HIVEP3: variants seen among roughly 807,000 people sequenced by gnomAD.
HIVEP3 encodes transcription factor HIVEP3.
In HIVEP3, 49 loss-of-function variants were observed where a neutral mutation model predicts 152.8. The ratio of observed to expected loss-of-function variants is 0.32; its 90% CI spans 0.26 to 0.41. The LOEUF (loss-of-function observed/expected upper bound fraction) is 0.41, where lower values mean the gene tolerates loss of function less well. Among genes scored for constraint, HIVEP3 ranks in the 10% least tolerant of loss-of-function variants. The pLI is 1.00. For missense variants in HIVEP3, 2,790 were observed against 3,103.3 expected (o/e 0.90, Z 2.40); for synonymous variants, 1,269 against 1,289.0 (o/e 0.98, Z 0.33).
intron 1 of HIVEP3, among the ~76,000 whole-genome samples, chr1:41,846,572 T>G (rs1030200762): frequency 2.6e-5 from 4 of 152,242 alleles, no homozygotes; most frequent in Non-Finnish European, 5.9e-5. Context: ...GTGTTCGCTG[T>G]GAGGAATGGG....
chr1:41,618,191 G>A (rs1436965092), intron 3 of HIVEP3, among the ~76,000 whole-genome samples: 1 of 152,346 alleles, frequency 6.6e-6, no homozygotes, highest in East Asian at 1.9e-4. Context: ...TTGTTCCGCT[G>A]CGGGATGGTG....
At position 41,628,771 on chromosome 1, in the gene HIVEP3, G is replaced by A. The variant is rs1323058803; in HGVS notation, c.-544C>T. The A allele has an allele frequency of 1.6e-5, 20 of 1,232,000 alleles. No individual in the cohort carries two copies. The highest frequency in any genetic ancestry group is 1.6e-5 in the African/African-American group (1 of 64,372). The allele number at this position is 1,232,000 out of a possible 1,614,324, so 76.3% of individuals were successfully genotyped here. ...TACCTGTGCTGAAGGCACCACTTCC[G>A]ATGACCAAAACTGAAACGCTGTTCT... On this transcript the variant is annotated 5_prime_UTR_variant, in exon 3 of 9. Coordinates refer to ENST00000372583, the MANE Select transcript of HIVEP3 (RefSeq NM_024503.5).
At chr1:41,803,864 C>T (rs1333488894) in intron 1 of HIVEP3, among the ~76,000 whole-genome samples, 1 of 152,180 alleles carries the variant, frequency 6.6e-6, no homozygotes, top group Non-Finnish European at 1.5e-5. Context: ...ACATCCTGGG[C>T]ACTGGGTGCA....
chr1:41,601,757 A>G (rs1454248650), intron 3 of HIVEP3, among the ~76,000 whole-genome samples: 1 of 152,124 alleles, frequency 6.6e-6, no homozygotes, highest in African/African-American at 2.4e-5. Flanking sequence ...TCTGGCTAGG[A>G]CTTCCAGTAC....
At chr1:41,932,476 T>C (rs1570821764) in intron 1 of HIVEP3, among the ~76,000 whole-genome samples, 2 of 151,940 alleles carry the variant, frequency 1.3e-5, no homozygotes. Context: ...GAGTTGTTTG[T>C]TGCACTACCT....
At chr1:41,760,723 G>A (rs1647615182) in intron 1 of HIVEP3, among the ~76,000 whole-genome samples, 1 of 152,196 alleles carries the variant, frequency 6.6e-6, no homozygotes, top group Non-Finnish European at 1.5e-5. Flanking sequence ...ATGCCCAAAT[G>A]CTCCACAATG....
At chr1:41,993,855 A>G (rs1374934758) in intron 1 of HIVEP3, among the ~76,000 whole-genome samples, 1 of 152,020 alleles carries the variant, frequency 6.6e-6, no homozygotes, top group Non-Finnish European at 1.5e-5. Flanking sequence ...TTGTAGGGAC[A>G]TGGATGAAAT....
At chr1:41,663,789 G>A (rs1645754540) in intron 2 of HIVEP3, among the ~76,000 whole-genome samples, 1 of 152,160 alleles carries the variant, frequency 6.6e-6, no homozygotes, top group Non-Finnish European at 1.5e-5. Flanking sequence ...GTACACGATT[G>A]CAAACCCACT....
intron 1 of HIVEP3, among the ~76,000 whole-genome samples, chr1:41,810,268 C>A (rs1377499324): frequency 6.6e-6 from 1 of 152,214 alleles, no homozygotes; most frequent in Non-Finnish European, 1.5e-5. Context: ...AGCAACAATC[C>A]TTTCAGTTGC....
At chr1:41,936,972 A>G (rs748868829) in intron 1 of HIVEP3, among the ~76,000 whole-genome samples, 11 of 152,190 alleles carry the variant, frequency 7.2e-5, no homozygotes, top group African/African-American at 1.2e-4. Context: ...AAAGAAAGCT[A>G]TGTTTATATT....
intron 4 of HIVEP3, 48 bp from the exon 5 acceptor site, chr1:41,575,737 C>A: frequency 1.3e-6 from 2 of 1,597,104 alleles, no homozygotes; most frequent in Non-Finnish European, 1.7e-6. Flanking sequence ...AAAAGTGCAT[C>A]CTCAGTCACG....
intron 1 of HIVEP3, among the ~76,000 whole-genome samples, chr1:41,771,622 G>A (rs2013105): frequency 0.38 from 57,417 of 151,846 alleles, 11,890 homozygotes; most frequent in East Asian, 0.52. Flanking sequence ...GGATTTGACT[G>A]TTGCTCTCAG....
At chr1:41,869,697 G>A (rs976964118) in intron 1 of HIVEP3, 2 of 152,224 alleles carry the variant, frequency 1.3e-5, no homozygotes, top group East Asian at 1.9e-4. Flanking sequence ...TCTTGCAGGT[G>A]ACGGATATGT....
rs1644404462 is a variant in HIVEP3, at chr1:41,508,293, A to C, written c.*2158T>G. 1 of 152,214 alleles carries C rather than the reference A, an allele frequency of 6.6e-6. No homozygotes were observed. The highest frequency in any genetic ancestry group is 1.5e-5 in the Non-Finnish European group (1 of 68,048). 9.4% of individuals were successfully genotyped at this position (152,214 alleles called of 1,614,324 possible). ...CCAGACCTCAGCCCTTGAAGTCTCC[A>C]ATCCGTGGGCAGTCCCATGGGTTAG... is the stretch of plus-strand genomic sequence containing the variant. On this transcript the variant is annotated 3_prime_UTR_variant, in exon 9 of 9. Coordinates refer to ENST00000372583, the MANE Select transcript of HIVEP3 (RefSeq NM_024503.5).
At chr1:41,896,702 G>C (rs1324748662) in intron 1 of HIVEP3, among the ~76,000 whole-genome samples, 1 of 151,760 alleles carries the variant, frequency 6.6e-6, no homozygotes, top group Non-Finnish European at 1.5e-5. Flanking sequence ...AGCCTCCTGA[G>C]TAGCTGAGAC....
At chr1:41,930,834 A>G (rs1644992890) in intron 1 of HIVEP3, among the ~76,000 whole-genome samples, 1 of 152,112 alleles carries the variant, frequency 6.6e-6, no homozygotes, top group African/African-American at 2.4e-5. Context: ...GATATGCATG[A>G]TAGTTCATTG....
At chr1:41,551,594 G>C (rs1361210164) in intron 5 of HIVEP3, among the ~76,000 whole-genome samples, 1 of 152,058 alleles carries the variant, frequency 6.6e-6, no homozygotes, top group East Asian at 1.9e-4. Flanking sequence ...GTTTCTTCCT[G>C]GTTTAGTCTT....
chr1:41,938,312 G>A (rs1024050345), intron 1 of HIVEP3, among the ~76,000 whole-genome samples: 4 of 152,134 alleles, frequency 2.6e-5, no homozygotes, highest in Admixed American at 6.5e-5. Context: ...ATACCATACC[G>A]TGCATCAATG....
At chr1:41,742,346 C>CA (rs36116420) in intron 1 of HIVEP3, among the ~76,000 whole-genome samples, 2 of 152,152 alleles carry the variant, frequency 1.3e-5, no homozygotes, top group Non-Finnish European at 2.9e-5. Context: ...GGGCTCCAAA[C>CA]AAAAAAGAGC....
Sources: allele counts gnomAD v4.1 joint callset (sites outside exome capture counted in the v4.1 genomes callset), GRCh38; gene constraint gnomAD v4.1.1; transcripts MANE v1.5; gene names NCBI Gene and HGNC (gene_info 2026-07-23, HGNC 2026-07-21).